SLFN12L: variants seen among roughly 807,000 people sequenced by gnomAD.
The protein encoded by SLFN12L is schlafen family member 12-like.
SLFN12L carries 34 observed loss-of-function variants against 34.8 expected under a neutral mutation model. That is an observed-to-expected ratio of 0.98 (90% CI 0.74 to 1.30). The LOEUF (loss-of-function observed/expected upper bound fraction) is 1.30, where lower values mean the gene tolerates loss of function less well. Among genes scored for constraint, SLFN12L ranks in the 50% most tolerant of loss-of-function variants. The pLI, the probability that SLFN12L is intolerant of heterozygous loss-of-function variation, is 0.00. For missense variants in SLFN12L, 703 were observed against 696.2 expected (o/e 1.01, Z -0.11); for synonymous variants, 259 against 247.5 (o/e 1.05, Z -0.44).
chr17:35,522,074 C>T (rs961012066), intron 2 of SLFN12L, among the ~76,000 whole-genome samples: 3 of 151,900 alleles, frequency 2.0e-5, no homozygotes, highest in Non-Finnish European at 2.9e-5. Context: ...ACATATGTAA[C>T]AAACCTGCAC....
At chr17:35,526,225 A>T (rs986267232) in intron 1 of SLFN12L, among the ~76,000 whole-genome samples, 4 of 152,190 alleles carry the variant, frequency 2.6e-5, no homozygotes, top group African/African-American at 9.7e-5. Context: ...TTAGAGACCT[A>T]CCAAGAGACT....
At chr17:35,518,063 G>A (rs1915886531) in intron 2 of SLFN12L, among the ~76,000 whole-genome samples, 1 of 152,174 alleles carries the variant, frequency 6.6e-6, no homozygotes, top group Non-Finnish European at 1.5e-5. Flanking sequence ...TCAAACTAAA[G>A]AGCTTCTGCA....
At chr17:35,478,333 G>A (rs768812936) in intron 3 of SLFN12L, 148 bp from the exon 4 acceptor site, 124 of 535,854 alleles carry the variant, frequency 2.3e-4, no homozygotes, top group Non-Finnish European at 3.6e-4. Flanking sequence ...GTTACATATT[G>A]TGGTTAGATT....
chr17:35,521,959 G>A (rs541685896), intron 2 of SLFN12L, among the ~76,000 whole-genome samples: 2 of 151,304 alleles, frequency 1.3e-5, no homozygotes, highest in East Asian at 2.0e-4. Context: ...CACACACACC[G>A]GGGCCTGTTG....
Position 35,480,039 on chromosome 17 carries a change from C to T in SLFN12L, c.243G>A (p.Gln81=). The part of the protein sequence containing the change: ...KKMKDCQLRK[Q]QNENVSRAVC... ...CAGCTCGTGAGACATTTTCATTCTG[C>T]TGTTTTCTCAGTTGACAATCCTTCA... Residue 81 remains glutamine (Q), a synonymous_variant, in exon 3 of 5, where the codon CAG becomes CAA. Transcript: ENST00000628453. 6.2e-7 allele frequency: 1 copy of T among 1,614,180 alleles called. No individual in the cohort carries two copies.
At position 35,534,429 on chromosome 17, in the gene SLFN12L, AT is replaced by A. The variant is rs1486214628; in HGVS notation, c.-606+3143del. Among the ~76,000 whole-genome samples the A allele has an allele frequency of 3.3e-5, 5 of 152,198 alleles. No homozygotes were observed. In the East Asian group the frequency reaches 5.8e-4, roughly 18 times the overall value. The stretch of plus-strand genomic sequence containing the variant: ...CAGGAAGACACAGCATCAGATGAAC[AT>A]TTTTCAAAGTCCTTTCTAGCTGAAG... On this transcript the variant is annotated intron_variant, in intron 1 of 4. Transcript: ENST00000628453.
intron 2 of SLFN12L, among the ~76,000 whole-genome samples, chr17:35,500,747 G>A (rs1013022397): frequency 1.3e-5 from 2 of 150,506 alleles, no homozygotes; most frequent in Non-Finnish European, 1.5e-5. Flanking sequence ...AAAAAAGATC[G>A]ACCCCTGACC....
intron 1 of SLFN12L, among the ~76,000 whole-genome samples, chr17:35,529,753 T>C (rs1006400493): frequency 1.3e-5 from 2 of 151,970 alleles, no homozygotes; most frequent in Non-Finnish European, 2.9e-5. Flanking sequence ...GGGTGACGGG[T>C]TGGTGGGTGC....
At position 35,467,879 on chromosome 17, in the gene SLFN12L, GT is replaced by G. The variant is rs1267094108; in HGVS notation, c.*7043del. 6.6e-6 allele frequency among the ~76,000 whole-genome samples: 1 copy of G among 151,990 alleles called. No homozygotes were observed. The highest frequency in any genetic ancestry group is 6.6e-5 in the Admixed American group (1 of 15,238). The stretch of plus-strand genomic sequence containing the variant: ...GCAGCTGCACACCATTCTGTTTTCT[GT>G]TTATCTTTTTTGTTTTGTTTGTTTG... On this transcript the variant is annotated 3_prime_UTR_variant, in exon 5 of 5. Coordinates refer to ENST00000628453, the MANE Select transcript of SLFN12L (RefSeq NM_001363830.2).
At chr17:35,514,852 T>C (rs182770821) in intron 2 of SLFN12L, 57 of 399,246 alleles carry the variant, frequency 1.4e-4, no homozygotes, top group African/African-American at 1.1e-3. Context: ...TCTGGATCAC[T>C]GGTAGTGGAA....
At chr17:35,496,466 C>A (rs1373607174) in intron 2 of SLFN12L, among the ~76,000 whole-genome samples, 1 of 152,092 alleles carries the variant, frequency 6.6e-6, no homozygotes, top group East Asian at 1.9e-4. Context: ...TCCTCCTGGA[C>A]AAGTTTCCCT....
intron 2 of SLFN12L, chr17:35,487,994 C>A: frequency 1.5e-6 from 1 of 661,338 alleles, no homozygotes; most frequent in South Asian, 1.5e-5. Context: ...GGATCACCAG[C>A]TTAGGAGATA....
At chr17:35,490,106 G>A in intron 2 of SLFN12L, 1 of 1,606,394 alleles carries the variant, frequency 6.2e-7, no homozygotes, top group African/African-American at 1.3e-5. Flanking sequence ...TGCCCCAGGC[G>A]CGGAGCAGAC....
intron 2 of SLFN12L, among the ~76,000 whole-genome samples, chr17:35,483,029 A>T (rs1914411935): frequency 6.6e-6 from 1 of 152,106 alleles, no homozygotes; most frequent in Non-Finnish European, 1.5e-5. Context: ...AGGAGAGGAC[A>T]GGACAACCAG....
At position 35,498,027 on chromosome 17, in the gene SLFN12L, A is replaced by G. The variant is rs931696348; in HGVS notation, c.87-17832T>C. 6.6e-5 allele frequency among the ~76,000 whole-genome samples: 10 copies of G among 152,294 alleles called. No homozygotes were observed. The South Asian group carries it at 1.7e-3, about 25-fold the overall frequency. On this transcript the variant is annotated intron_variant, in intron 2 of 4. Transcript: ENST00000628453. Reference sequence around the variant, plus strand: ...AGCGAGACCCTGGCTCTAAAAAATAATAATAATTAAAATAAAGAGTCACAG... The same window carrying G: ...AGCGAGACCCTGGCTCTAAAAAATAGTAATAATTAAAATAAAGAGTCACAG...
At chr17:35,501,443 T>G (rs966497673) in intron 2 of SLFN12L, among the ~76,000 whole-genome samples, 1 of 152,242 alleles carries the variant, frequency 6.6e-6, no homozygotes, top group African/African-American at 2.4e-5. Context: ...TTGACTTGAC[T>G]TGGATTGCTT....
chr17:35,495,316 C>T (rs375795364), intron 2 of SLFN12L, among the ~76,000 whole-genome samples: 9 of 152,266 alleles, frequency 5.9e-5, no homozygotes, highest in African/African-American at 1.2e-4. Context: ...ACAGCCCTCC[C>T]CATAGGTTCA....
chr17:35,489,569 A>G (rs982915604), intron 2 of SLFN12L, among the ~76,000 whole-genome samples: 1 of 151,966 alleles, frequency 6.6e-6, no homozygotes, highest in African/African-American at 2.4e-5. Flanking sequence ...ATATGTACAT[A>G]TATATATGTA....
intron 2 of SLFN12L, among the ~76,000 whole-genome samples, chr17:35,511,538 C>T (rs532433809): frequency 6.6e-6 from 1 of 151,680 alleles, no homozygotes; most frequent in East Asian, 1.9e-4. Flanking sequence ...GAGTTAGAGA[C>T]CAGCCTGGGC....
Sources: gnomAD v4.1 joint callset for allele counts (sites outside exome capture counted in the v4.1 genomes callset) on GRCh38, gnomAD v4.1.1 for gene constraint, MANE v1.5 for transcripts, NCBI Gene and HGNC (gene_info 2026-07-23, HGNC 2026-07-21) for gene names.